Variants in RSPO1 observed in about 807,000 individuals in gnomAD.
RSPO1 encodes the protein R-spondin 1.
RSPO1 carries 18 observed loss-of-function variants against 26.0 expected under a neutral mutation model. The ratio of observed to expected loss-of-function variants is 0.69; its 90% CI spans 0.48 to 1.03. RSPO1 has a LOEUF of 1.03. Ranked by LOEUF, RSPO1 falls within the 50% of genes least tolerant of loss-of-function variation. RSPO1 has a pLI of 0.00. For synonymous variants in RSPO1, 133 were observed against 137.4 expected, an observed-to-expected ratio of 0.97 and a Z score of 0.22; for missense variants, 309 against 352.3, an observed-to-expected ratio of 0.88 and a Z score of 0.98.
At chr1:37,628,110 G>T (rs1016944639) in intron 3 of RSPO1, among the ~76,000 whole-genome samples, 4 of 152,234 alleles carry the variant, frequency 2.6e-5, no homozygotes, top group Non-Finnish European at 5.9e-5. Context: ...ATGAGGCTCT[G>T]CATGGGTGAG....
At position 37,612,496 on chromosome 1, in the gene RSPO1, T is replaced by A; in HGVS notation, c.*259A>T. 1 of 443,368 alleles carries A rather than the reference T, an allele frequency of 2.3e-6. No individual in the cohort carries two copies. The allele number at this position is 443,368 out of a possible 1,614,324, so 27.5% of individuals were successfully genotyped here. A position where few individuals can be genotyped will look rare whatever the true frequency, so the allele number is the denominator to read the frequency against. Reference sequence around the variant, plus strand: ...GGGATGGAAGTGTCTTCTGGTGGCCTCAGGTGTGTGTGTGTGTGTGTGTGT... The same window carrying A: ...GGGATGGAAGTGTCTTCTGGTGGCCACAGGTGTGTGTGTGTGTGTGTGTGT... On this transcript the variant is annotated 3_prime_UTR_variant, in exon 7 of 7. Coordinates refer to ENST00000356545, the MANE Select transcript of RSPO1 (RefSeq NM_001242908.2).
At chr1:37,624,465 C>G (rs1301152507) in intron 3 of RSPO1, among the ~76,000 whole-genome samples, 1 of 150,804 alleles carries the variant, frequency 6.6e-6, no homozygotes, top group Non-Finnish European at 1.5e-5. Context: ...CCACAAACCA[C>G]CATCCCCCCC....
At chr1:37,614,540 T>C (rs1285241505) in intron 4 of RSPO1, among the ~76,000 whole-genome samples, 3 of 152,158 alleles carry the variant, frequency 2.0e-5, no homozygotes, top group Non-Finnish European at 4.4e-5. Flanking sequence ...GCTGAAGCGG[T>C]TGCTCCTGAA....
In RSPO1 at chr1:37,612,721, C is replaced by CT. The variant is rs1158617109; in HGVS notation, c.*33dup. On this transcript the variant is annotated 3_prime_UTR_variant, in exon 7 of 7. Coordinates refer to ENST00000356545, the MANE Select transcript of RSPO1 (RefSeq NM_001242908.2). ...GAATCACGCAGAGTAGCACTGAACTCTTTCTGCATGGGCCTGGAGGCTGGA... is the reference window on the plus strand; with the variant it reads ...GAATCACGCAGAGTAGCACTGAACTCTTTTCTGCATGGGCCTGGAGGCTGGA... 1 of 1,604,156 alleles carries CT rather than the reference C, an allele frequency of 6.2e-7. No homozygotes were observed. The highest frequency in any genetic ancestry group is 8.5e-7 in the Non-Finnish European group (1 of 1,178,812).
Position 37,613,837 on chromosome 1 carries a change from C to T in RSPO1, c.492G>A (p.Gln164=), listed in dbSNP as rs1331880562. 6.2e-7 allele frequency: 1 copy of T among 1,614,136 alleles called. No individual in the cohort carries two copies. ...CGGAGCCCCTCCGGAAACCACAGAGCTGCTGCTTCTTGGAGCAGGGCCCCC... is the reference window on the plus strand; with the variant it reads ...CGGAGCCCCTCCGGAAACCACAGAGTTGCTGCTTCTTGGAGCAGGGCCCCC... The part of the protein sequence containing the change: ...SPWGPCSKKQ[Q]LCGFRRGSEE... The change falls in exon 6 of 7, where the codon CAG becomes CAA. Residue 164 remains glutamine, a synonymous_variant. Coordinates refer to ENST00000356545, the MANE Select transcript of RSPO1 (RefSeq NM_001242908.2). The surrounding 1 kb of genome is among the most constrained non-coding windows in gnomAD (Gnocchi z 4.5).
chr1:37,612,905 C>G lies in RSPO1; in HGVS notation c.642G>C (p.Lys214Asn), dbSNP rs1644048175. Residue 214 changes from lysine (K) to asparagine (N), a missense_variant, in exon 7 of 7, where the codon AAG becomes AAC. Coordinates refer to ENST00000356545, the MANE Select transcript of RSPO1 (RefSeq NM_001242908.2). ...VPCPEGQKRR[K>N]GGQGRRENAN... The stretch of plus-strand genomic sequence containing the variant: ...CATTCTCCCGCCGGCCCTGGCCTCC[C>G]TTCCTCCTCTTCTGCCCTGAAACAA... 1.2e-6 allele frequency: 2 copies of G among 1,614,118 alleles called. No individual in the cohort carries two copies. The highest frequency in any genetic ancestry group is 1.7e-6 in the Non-Finnish European group (2 of 1,180,026).
chr1:37,612,592 T>C lies in RSPO1; in HGVS notation c.*163A>G, dbSNP rs1281562007. ...ATGTGCAAGTATGTATGGTTGTATATGTGGACAGGGGTTTGAGCGTGTGTG... is the reference window on the plus strand; with the variant it reads ...ATGTGCAAGTATGTATGGTTGTATACGTGGACAGGGGTTTGAGCGTGTGTG... On this transcript the variant is annotated 3_prime_UTR_variant, in exon 7 of 7. Transcript: ENST00000356545. 1.3e-6 allele frequency: 1 copy of C among 748,746 alleles called. No individual in the cohort carries two copies. Among genetic ancestry groups the C allele is most frequent in the African/African-American group, 1.7e-5 (1 of 58,606 alleles). 46.4% of individuals were successfully genotyped at this position (748,746 alleles called of 1,614,324 possible).
Position 37,613,592 on chromosome 1 carries a change from T to C in RSPO1, c.625+112A>G. 1 of 888,928 alleles carries C rather than the reference T, an allele frequency of 1.1e-6. No individual in the cohort carries two copies. Among genetic ancestry groups the C allele is most frequent in the Middle Eastern group, 3.2e-4 (1 of 3,114 alleles). The allele number at this position is 888,928 out of a possible 1,614,324, so 55.1% of individuals were successfully genotyped here. ...GGTCTTGAGTTGCGGGTGCCCCATCTGGCCTTGCCCTGAAGCTTCTTCCTG... is the reference window on the plus strand; with the variant it reads ...GGTCTTGAGTTGCGGGTGCCCCATCCGGCCTTGCCCTGAAGCTTCTTCCTG... On this transcript the variant is annotated intron_variant, in intron 6 of 6. Coordinates refer to ENST00000356545, the MANE Select transcript of RSPO1 (RefSeq NM_001242908.2). The surrounding 1 kb of genome is among the most constrained non-coding windows in gnomAD (Gnocchi z 4.5).
chr1:37,619,538 A>G (rs761710271), intron 3 of RSPO1, among the ~76,000 whole-genome samples: 15 of 152,222 alleles, frequency 9.9e-5, no homozygotes, highest in Non-Finnish European at 1.9e-4. Context: ...GGAGTTAGGA[A>G]GGAGAGCAAC....
At chr1:37,617,849 A>G (rs1644141206) in intron 3 of RSPO1, among the ~76,000 whole-genome samples, 1 of 152,040 alleles carries the variant, frequency 6.6e-6, no homozygotes, top group African/African-American at 2.4e-5. Flanking sequence ...CTGTAGAGGA[A>G]CTGATCTTTC....
chr1:37,612,270 C>T lies in RSPO1; in HGVS notation c.*485G>A. The T allele has an allele frequency of 5.5e-6, 1 of 180,362 alleles. No homozygotes were observed. Among genetic ancestry groups the T allele is most frequent in the East Asian group, 1.4e-4 (1 of 7,104 alleles). 11.2% of individuals were successfully genotyped at this position (180,362 alleles called of 1,614,324 possible). On this transcript the variant is annotated 3_prime_UTR_variant, in exon 7 of 7. Transcript: ENST00000356545. ...CGATAAAGTCACACAGCTGGGAGTGCTGAACAGGATGGGAAGAAGGTTTCT... is the reference window on the plus strand; with the variant it reads ...CGATAAAGTCACACAGCTGGGAGTGTTGAACAGGATGGGAAGAAGGTTTCT...
Position 37,613,258 on chromosome 1 carries a change from AC to A in RSPO1, c.626-338del, listed in dbSNP as rs1644053516. On this transcript the variant is annotated intron_variant, in intron 6 of 6. Transcript: ENST00000356545. The surrounding 1 kb of genome is among the most constrained non-coding windows in gnomAD (Gnocchi z 4.5). ...CCAGGTATTCAGTGCAACTCTCAGA[AC>A]AGGCAGGACTGCCCCCATCCCCTAT... Among the ~76,000 whole-genome samples, 1 of 152,190 alleles carries A rather than the reference AC, an allele frequency of 6.6e-6. No individual in the cohort carries two copies. Among genetic ancestry groups the A allele is most frequent in the South Asian group, 2.1e-4 (1 of 4,838 alleles).
intron 3 of RSPO1, among the ~76,000 whole-genome samples, chr1:37,620,750 G>T (rs1644188354): frequency 6.6e-6 from 1 of 151,940 alleles, no homozygotes; most frequent in Admixed American, 6.6e-5. Flanking sequence ...AGTTATGAGG[G>T]AGTCCTTTGG....
chr1:37,630,144 C>A (rs1644336052), intron 2 of RSPO1, among the ~76,000 whole-genome samples, 195 bp from the exon 3 acceptor site: 3 of 152,236 alleles, frequency 2.0e-5, no homozygotes, highest in Admixed American at 2.0e-4. Context: ...GAGCCGGCAA[C>A]CTGTGTAGCC....
At chr1:37,625,875 C>T (rs1160627511) in intron 3 of RSPO1, among the ~76,000 whole-genome samples, 3 of 152,104 alleles carry the variant, frequency 2.0e-5, no homozygotes, top group South Asian at 2.1e-4. Context: ...GACAAGCTTT[C>T]GCCATGTTGG....
intron 3 of RSPO1, among the ~76,000 whole-genome samples, chr1:37,625,694 T>G (rs6686601): frequency 0.045 from 6,799 of 151,672 alleles, 474 homozygotes; most frequent in African/African-American, 0.16. Flanking sequence ...TTTTTTTTTT[T>G]TGGAAACAAA....
intron 3 of RSPO1, among the ~76,000 whole-genome samples, chr1:37,622,622 A>G (rs1644219445): frequency 6.6e-6 from 1 of 152,226 alleles, no homozygotes; most frequent in Non-Finnish European, 1.5e-5. Context: ...TTGGGAAAGA[A>G]GTGGAGAAGG....
At chr1:37,626,447 C>G (rs1196320836) in intron 3 of RSPO1, among the ~76,000 whole-genome samples, 1 of 152,202 alleles carries the variant, frequency 6.6e-6, no homozygotes, top group Non-Finnish European at 1.5e-5. Context: ...CTCCCAACTC[C>G]CCGGGGCTGT....
chr1:37,614,165 A>G lies in RSPO1; in HGVS notation c.436+19T>C. ...CTGGGGTCCTGGACCCTCTGCCCACAGTGCCTGCCATGGCTTACCAGGACT... is the reference window on the plus strand; with the variant it reads ...CTGGGGTCCTGGACCCTCTGCCCACGGTGCCTGCCATGGCTTACCAGGACT... On this transcript the variant is annotated intron_variant, in intron 5 of 6. Coordinates refer to ENST00000356545, the MANE Select transcript of RSPO1 (RefSeq NM_001242908.2). 6.2e-7 allele frequency: 1 copy of G among 1,611,504 alleles called. No homozygotes were observed. Among genetic ancestry groups the G allele is most frequent in the African/African-American group, 1.3e-5 (1 of 74,966 alleles).
Sources: allele counts gnomAD v4.1 joint callset (sites outside exome capture counted in the v4.1 genomes callset), GRCh38; gene constraint gnomAD v4.1.1; non-coding constraint Gnocchi (gnomAD v3.1); transcripts MANE v1.5; gene names NCBI Gene and HGNC (gene_info 2026-07-23, HGNC 2026-07-21).